Variants in SUCLA2 observed in about 807,000 individuals in gnomAD.
SUCLA2 encodes the protein succinate-CoA ligase ADP-forming subunit beta.
SUCLA2 carries 30 observed loss-of-function variants against 54.8 expected under a neutral mutation model. That is an observed-to-expected ratio of 0.55 (90% CI 0.41 to 0.74). SUCLA2 has a LOEUF of 0.74. Ranked by LOEUF, SUCLA2 falls within the 30% of genes least tolerant of loss-of-function variation. The pLI, the probability that SUCLA2 is intolerant of heterozygous loss-of-function variation, is 0.00. For missense variants in SUCLA2, 476 were observed against 562.9 expected (o/e 0.85, Z 1.56); for synonymous variants, 172 against 188.9 (o/e 0.91, Z 0.74).
At chr13:47,952,503 C>T (rs1949784075) in intron 8 of SUCLA2, among the ~76,000 whole-genome samples, 3 of 152,002 alleles carry the variant, frequency 2.0e-5, no homozygotes, top group Admixed American at 2.0e-4. Context: ...CTCGACTTTG[C>T]CTCTGACAGC....
intron 4 of SUCLA2, among the ~76,000 whole-genome samples, chr13:47,983,712 A>C (rs2137736146): frequency 6.6e-6 from 1 of 152,118 alleles, no homozygotes; most frequent in South Asian, 2.1e-4. Context: ...GATGGTCTCG[A>C]TCTCCTGACC....
At position 47,980,411 on chromosome 13, in the gene SUCLA2, T is replaced by A. The variant is rs578117975; in HGVS notation, c.535-7019A>T. ...GCCTGGGTGACAGAGTGAGACTCCA[T>A]CTCAAAAAAAAATAAAAAATAAAAT... On this transcript the variant is annotated intron_variant, in intron 4 of 10. Coordinates refer to ENST00000646932, the MANE Select transcript of SUCLA2 (RefSeq NM_003850.3). Among the ~76,000 whole-genome samples, 196 of 150,782 alleles carry A rather than the reference T, an allele frequency of 1.3e-3. 1 individual carries two copies. The highest frequency in any genetic ancestry group is 3.4e-3 in the Middle Eastern group (1 of 292).
intron 1 of SUCLA2, among the ~76,000 whole-genome samples, chr13:47,998,907 A>G (rs975265489): frequency 2.0e-5 from 3 of 152,226 alleles, no homozygotes; most frequent in African/African-American, 7.2e-5. Flanking sequence ...CGTCAAAATA[A>G]TAATAAAAAT....
chr13:47,955,738 T>C (rs2148244), intron 6 of SUCLA2, among the ~76,000 whole-genome samples: 94,936 of 151,880 alleles, frequency 0.63, 30,635 homozygotes, highest in East Asian at 0.77. Flanking sequence ...AGGCTTTTAC[T>C]CCCAGCACTC....
chr13:47,985,223 C>CT (rs767367550), intron 4 of SUCLA2, among the ~76,000 whole-genome samples: 12 of 151,560 alleles, frequency 7.9e-5, no homozygotes, highest in Non-Finnish European at 1.5e-4. Context: ...TTTGCTTATT[C>CT]TTTTTTTTTC....
intron 10 of SUCLA2, among the ~76,000 whole-genome samples, chr13:47,946,359 A>G (rs79010841): frequency 0.028 from 4,289 of 152,274 alleles, 94 homozygotes; most frequent in South Asian, 0.081. Flanking sequence ...TACTGCACAC[A>G]TACATATAGT....
intron 4 of SUCLA2, among the ~76,000 whole-genome samples, chr13:47,984,157 G>A (rs190224885): frequency 8.5e-4 from 129 of 151,636 alleles, no homozygotes; most frequent in African/African-American, 3.0e-3. Flanking sequence ...CAAGCAAGTA[G>A]CTGAAATTTC....
In SUCLA2 at chr13:47,988,896, C is replaced by G. The variant is rs1247864593; in HGVS notation, c.357G>C (p.Val119=). 6.2e-7 allele frequency: 1 copy of G among 1,612,688 alleles called. No individual in the cohort carries two copies. The highest frequency in any genetic ancestry group is 8.5e-7 in the Non-Finnish European group (1 of 1,179,930). Residue 119 remains valine, a synonymous_variant, in exon 3 of 11, where the codon GTG becomes GTC. Transcript: ENST00000646932. Reference sequence around the variant, plus strand: ...ATGTGACTTACGAGAAAACTATCTTCACTCCTCCTTTGAGGCCACTTTCAA... The same window carrying G: ...ATGTGACTTACGAGAAAACTATCTTGACTCCTCCTTTGAGGCCACTTTCAA... ...GTFESGLKGG[V]KIVFSPEEAK...
At chr13:47,946,555 T>C (rs1283245431) in intron 10 of SUCLA2, among the ~76,000 whole-genome samples, 2 of 148,850 alleles carry the variant, frequency 1.3e-5, no homozygotes, top group Admixed American at 6.7e-5. Flanking sequence ...ATCATGTAAA[T>C]ACAAAATAAA....
At chr13:47,979,326 A>G (rs892172490) in intron 4 of SUCLA2, among the ~76,000 whole-genome samples, 7 of 152,228 alleles carry the variant, frequency 4.6e-5, no homozygotes, top group Admixed American at 2.6e-4. Context: ...GGATGAGTTC[A>G]TATCCTTTGC....
intron 4 of SUCLA2, 140 bp downstream of exon 4, chr13:47,988,399 CAT>C: frequency 1.1e-6 from 1 of 909,438 alleles, no homozygotes; most frequent in South Asian, 1.8e-5. Context: ...TTTTAAATGA[CAT>C]AAATATCATG....
chr13:47,983,865 G>A (rs1950078310), intron 4 of SUCLA2, among the ~76,000 whole-genome samples: 1 of 151,782 alleles, frequency 6.6e-6, no homozygotes. Flanking sequence ...GGCAACACGA[G>A]GAGAAAAGTT....
intron 1 of SUCLA2, among the ~76,000 whole-genome samples, chr13:47,999,648 A>G (rs1360138077): frequency 6.6e-6 from 1 of 151,900 alleles, no homozygotes; most frequent in Non-Finnish European, 1.5e-5. Context: ...CGGAGCTTGC[A>G]GTGAGCCAAG....
At chr13:47,951,471 T>C (rs1014650553) in intron 8 of SUCLA2, among the ~76,000 whole-genome samples, 4 of 152,172 alleles carry the variant, frequency 2.6e-5, no homozygotes, top group African/African-American at 7.2e-5. Flanking sequence ...AATTCTGTCA[T>C]ACCTATTCCT....
chr13:47,966,520 G>A (rs1304955819), intron 6 of SUCLA2, among the ~76,000 whole-genome samples: 2 of 58,130 alleles, frequency 3.4e-5, no homozygotes, highest in Non-Finnish European at 9.0e-5. Flanking sequence ...AGTAATTGCC[G>A]TTTTTAAAAA....
chr13:47,962,084 G>T (rs999644876), intron 6 of SUCLA2, among the ~76,000 whole-genome samples: 3 of 152,260 alleles, frequency 2.0e-5, no homozygotes, highest in Admixed American at 6.5e-5. Flanking sequence ...AATGAAGACT[G>T]AAATAATTTT....
intron 4 of SUCLA2, among the ~76,000 whole-genome samples, chr13:47,981,535 G>C (rs1203330530): frequency 2.0e-5 from 3 of 152,228 alleles, no homozygotes; most frequent in Non-Finnish European, 4.4e-5. Flanking sequence ...GTACGGCTCA[G>C]CTAGGTGCAG....
intron 4 of SUCLA2, among the ~76,000 whole-genome samples, chr13:47,981,641 C>T (rs1417917989): frequency 6.6e-6 from 1 of 152,122 alleles, no homozygotes; most frequent in African/African-American, 2.4e-5. Flanking sequence ...CATAGTGAAA[C>T]CCTGTCTCTA....
rs536029416 is a variant in SUCLA2 at position 47,949,654 on chromosome 13, T to C, written c.1108-51A>G. The stretch of plus-strand genomic sequence containing the variant: ...TAAAATTTAAAAGAAATTTAAGTTC[T>C]TTTCCCCAAAAAATACTAGTATATG... On this transcript the variant is annotated intron_variant, in intron 8 of 10. Coordinates refer to ENST00000646932, the MANE Select transcript of SUCLA2 (RefSeq NM_003850.3). The C allele has an allele frequency of 1.3e-5, 20 of 1,590,312 alleles. No homozygotes were observed. In the South Asian group the frequency reaches 2.1e-4, roughly 17 times the overall value.
Sources: gnomAD v4.1 joint callset for allele counts (sites outside exome capture counted in the v4.1 genomes callset) on GRCh38, gnomAD v4.1.1 for gene constraint, MANE v1.5 for transcripts, NCBI Gene and HGNC (gene_info 2026-07-23, HGNC 2026-07-21) for gene names.